The following ADAM7 variants were observed in gnomAD, a reference collection of about 807,000 sequenced individuals.
ADAM7 encodes disintegrin and metalloproteinase domain-containing protein 7.
A neutral mutation model predicts 102.9 loss-of-function variants in ADAM7; 97 were observed. The observed-to-expected ratio is 0.94, with a 90% CI of 0.80 to 1.12. ADAM7 has a LOEUF of 1.12. Ranked by LOEUF, ADAM7 falls within the 50% of genes most tolerant of loss-of-function variation. The pLI, the probability that ADAM7 is intolerant of heterozygous loss-of-function variation, is 0.00. For missense variants in ADAM7, 991 were observed against 908.7 expected (o/e 1.09, Z -1.16); for synonymous variants, 334 against 304.4 (o/e 1.10, Z -1.01).
chr8:24,497,121 G>T (rs1193345727), intron 16 of ADAM7, among the ~76,000 whole-genome samples: 1 of 152,140 alleles, frequency 6.6e-6, no homozygotes, highest in Admixed American at 6.6e-5. Flanking sequence ...GTTATTATAA[G>T]GGGGGATTTT....
At chr8:24,468,692 A>AT (rs531452975) in intron 6 of ADAM7, 75 bp from the exon 7 acceptor site, 48 of 1,326,780 alleles carry the variant, frequency 3.6e-5, no homozygotes, top group East Asian at 1.4e-4. Context: ...AAATACTAGG[A>AT]TTTTTTTTCC....
In ADAM7 at chr8:24,500,839, A is replaced by G. The variant is rs780773311; in HGVS notation, c.2052A>G (p.Gly684=). 1 of 1,613,408 alleles carries G rather than the reference A, an allele frequency of 6.2e-7. No individual in the cohort carries two copies. The highest frequency in any genetic ancestry group is 1.1e-5 in the South Asian group (1 of 91,036). ...VVLVLVIVGI[G]VLILLVRYRK... ...TTGTCCTGGTTATTGTCGGTATCGG[A>G]GTTCTTATACTATTAGTTCGTTACC... Residue 684 remains glycine, a synonymous_variant, in exon 19 of 22, where the codon GGA becomes GGG. Transcript: ENST00000175238.
At chr8:24,464,060 C>T (rs911293277) in intron 4 of ADAM7, 100 bp downstream of exon 4, 8 of 1,023,752 alleles carry the variant, frequency 7.8e-6, no homozygotes, top group African/African-American at 1.6e-5. Flanking sequence ...TCAGAAAGTA[C>T]TACATCAGAA....
intron 2 of ADAM7, among the ~76,000 whole-genome samples, chr8:24,446,251 T>C (rs966360698): frequency 2.0e-5 from 3 of 152,104 alleles, no homozygotes; most frequent in Non-Finnish European, 2.9e-5. Context: ...AGAATCCATA[T>C]GAAAACTACA....
intron 16 of ADAM7, among the ~76,000 whole-genome samples, chr8:24,498,768 G>C (rs1192300629): frequency 6.6e-6 from 1 of 151,650 alleles, no homozygotes; most frequent in African/African-American, 2.4e-5. Flanking sequence ...AATTTACCAA[G>C]AGAAAGGAAA....
Position 24,509,279 on chromosome 8 carries a change from T to TA in ADAM7, c.*733_*734insA, listed in dbSNP as rs1821042358. On this transcript the variant is annotated 3_prime_UTR_variant, in exon 22 of 22. Coordinates refer to ENST00000175238, the MANE Select transcript of ADAM7 (RefSeq NM_003817.4). The stretch of plus-strand genomic sequence containing the variant: ...ATACTCACAACTCCTATGAAGGGTT[T>TA]CTAAGGTCTTTGTCCTGTGCAATTT... The TA allele has an allele frequency of 1.0e-6, 1 of 985,294 alleles. No homozygotes were observed. The highest frequency in any genetic ancestry group is 1.2e-6 in the Non-Finnish European group (1 of 829,956). The allele number at this position is 985,294 out of a possible 1,614,324, so 61.0% of individuals were successfully genotyped here.
intron 7 of ADAM7, among the ~76,000 whole-genome samples, chr8:24,474,289 A>C (rs1406567188): frequency 6.6e-6 from 1 of 152,192 alleles, no homozygotes; most frequent in Admixed American, 6.5e-5. Flanking sequence ...GAGAAATTTT[A>C]TAAAGAATGC....
At chr8:24,482,527 T>A (rs928174782) in intron 9 of ADAM7, among the ~76,000 whole-genome samples, 4 of 152,082 alleles carry the variant, frequency 2.6e-5, no homozygotes, top group Admixed American at 2.6e-4. Flanking sequence ...GTAGAAGGAT[T>A]GTTTTAGCCT....
intron 3 of ADAM7, among the ~76,000 whole-genome samples, chr8:24,457,881 T>C (rs1258534548): frequency 2.0e-5 from 3 of 151,840 alleles, no homozygotes; most frequent in African/African-American, 7.3e-5. Flanking sequence ...TGTGTGTGTG[T>C]GTGTGTGTGT....
chr8:24,484,146 C>A (rs1288214523), intron 9 of ADAM7, among the ~76,000 whole-genome samples: 2 of 152,204 alleles, frequency 1.3e-5, no homozygotes, highest in East Asian at 3.9e-4. Context: ...TTTCTCAATA[C>A]CCCCAGAGTT....
chr8:24,469,656 C>A (rs1819541185), intron 7 of ADAM7, among the ~76,000 whole-genome samples: 1 of 152,042 alleles, frequency 6.6e-6, no homozygotes, highest in African/African-American at 2.4e-5. Flanking sequence ...AACTGTAAAT[C>A]ATCCAATGAT....
intron 15 of ADAM7, among the ~76,000 whole-genome samples, chr8:24,492,803 T>A (rs887861983): frequency 1.3e-5 from 2 of 152,210 alleles, no homozygotes; most frequent in African/African-American, 4.8e-5. Context: ...TAAGCCAGTA[T>A]TGACTTGTGA....
intron 2 of ADAM7, among the ~76,000 whole-genome samples, 178 bp downstream of exon 2, chr8:24,442,754 A>G (rs773116148): frequency 9.9e-5 from 15 of 152,202 alleles, no homozygotes; most frequent in Non-Finnish European, 1.8e-4. Context: ...AGAAAACAGA[A>G]AAGAGTAAAG....
intron 16 of ADAM7, among the ~76,000 whole-genome samples, chr8:24,494,904 G>A (rs1820502402): frequency 6.6e-6 from 1 of 152,162 alleles, no homozygotes; most frequent in Non-Finnish European, 1.5e-5. Flanking sequence ...AAATTCTATG[G>A]TCTGACTCCT....
Position 24,489,255 on chromosome 8 carries a change from T to C in ADAM7, c.1188T>C (p.Pro396=). 1 of 1,613,680 alleles carries C rather than the reference T, an allele frequency of 6.2e-7. No individual in the cohort carries two copies. The highest frequency in any genetic ancestry group is 1.1e-5 in the South Asian group (1 of 91,040). Residue 396 remains proline (P), a synonymous_variant, in exon 12 of 22, where the codon CCT becomes CCC. Coordinates refer to ENST00000175238, the MANE Select transcript of ADAM7 (RefSeq NM_003817.4). The part of the protein sequence containing the change: ...KPTCMLNIPF[P]YNFHDFQFCG... ...CATGCATGCTCAACATTCCATTTCC[T>C]TACAATTTTCATGATTTCCAATTTT...
chr8:24,493,017 G>A (rs547462861), intron 15 of ADAM7, 26 bp from the exon 16 acceptor site: 38 of 1,545,528 alleles, frequency 2.5e-5, no homozygotes, highest in African/African-American at 5.6e-5. Flanking sequence ...CTAGTTCCAA[G>A]TTTGAATATT....
chr8:24,497,855 A>G (rs1414315338), intron 16 of ADAM7, among the ~76,000 whole-genome samples: 1 of 152,138 alleles, frequency 6.6e-6, no homozygotes, highest in Non-Finnish European at 1.5e-5. Context: ...TCAGGTTACC[A>G]TAATACTTCT....
At chr8:24,477,215 G>A (rs186103902) in intron 8 of ADAM7, among the ~76,000 whole-genome samples, 4 of 152,172 alleles carry the variant, frequency 2.6e-5, no homozygotes, top group Non-Finnish European at 4.4e-5. Flanking sequence ...TGTAAATAAC[G>A]AAGAAGTAGG....
chr8:24,443,373 C>A (rs764733655), intron 2 of ADAM7, among the ~76,000 whole-genome samples: 4 of 152,218 alleles, frequency 2.6e-5, no homozygotes, highest in Non-Finnish European at 5.9e-5. Flanking sequence ...CTTTTCTAAA[C>A]AGTCCCACTG....
Sources: allele counts gnomAD v4.1 joint callset (sites outside exome capture counted in the v4.1 genomes callset), GRCh38; gene constraint gnomAD v4.1.1; transcripts MANE v1.5; gene names NCBI Gene and HGNC (gene_info 2026-07-23, HGNC 2026-07-21).